C19orf47: variants seen among roughly 807,000 people sequenced by gnomAD.
C19orf47 encodes uncharacterized protein C19orf47.
Under a neutral mutation model 32.3 loss-of-function variants are expected in C19orf47, and 18 were observed. The observed-to-expected ratio is 0.56, with a 90% CI of 0.39 to 0.83. C19orf47 has a LOEUF of 0.83. Among genes scored for constraint, C19orf47 ranks in the 40% least tolerant of loss-of-function variants. C19orf47 has a pLI of 0.00. For missense variants in C19orf47, 484 were observed against 531.6 expected, an observed-to-expected ratio of 0.91 and a Z score of 0.88; for synonymous variants, 202 against 211.1, an observed-to-expected ratio of 0.96 and a Z score of 0.37.
intron 1 of C19orf47, among the ~76,000 whole-genome samples, chr19:40,345,536 T>TAAAAAAAAA: frequency 9.0e-6 from 1 of 110,848 alleles, no homozygotes; most frequent in Non-Finnish European, 1.8e-5. Context: ...CTGTCACTGT[T>TAAAAAAAAA]AAAAAAAAAA....
downstream of C19orf47, among the ~76,000 whole-genome samples, chr19:40,318,438 A>G (rs1335788248): frequency 3.3e-5 from 5 of 152,040 alleles, no homozygotes; most frequent in East Asian, 1.9e-4. Flanking sequence ...AATTACCTAT[A>G]TATGTTTTTA....
At chr19:40,294,648 T>C in the C19orf47 span, among the ~76,000 whole-genome samples, 5 of 152,228 alleles carry the variant, frequency 3.3e-5, no homozygotes, top group Non-Finnish European at 7.3e-5. Flanking sequence ...AAAAACCAGA[T>C]GAGGTGCTCC....
chr19:40,322,719 A>T (rs575827410), intron 8 of C19orf47, among the ~76,000 whole-genome samples: 1 of 152,274 alleles, frequency 6.6e-6, no homozygotes, highest in African/African-American at 2.4e-5. Flanking sequence ...GGAGAGATTA[A>T]TCTGGTCATT....
intron 1 of C19orf47, among the ~76,000 whole-genome samples, chr19:40,347,022 T>C (rs2145635683): frequency 6.6e-6 from 1 of 152,162 alleles, no homozygotes; most frequent in Non-Finnish European, 1.5e-5. Flanking sequence ...TGGGAACAAG[T>C]ATAAGGACAA....
the C19orf47 span, among the ~76,000 whole-genome samples, chr19:40,311,041 C>A: frequency 1.3e-5 from 2 of 151,950 alleles, no homozygotes; most frequent in African/African-American, 4.8e-5. Context: ...ACTTCAAGAC[C>A]AACGTGGGCA....
At chr19:40,309,107 G>C in the C19orf47 span, among the ~76,000 whole-genome samples, 2 of 151,742 alleles carry the variant, frequency 1.3e-5, no homozygotes, top group Non-Finnish European at 2.9e-5. Context: ...GATCAGGTTT[G>C]TTTGAAGAAA....
At chr19:40,341,564 G>A (rs1451817666) in intron 2 of C19orf47, among the ~76,000 whole-genome samples, 1 of 152,150 alleles carries the variant, frequency 6.6e-6, no homozygotes, top group Non-Finnish European at 1.5e-5. Flanking sequence ...TTTCACAGGT[G>A]AGAAAACCAA....
rs1311607854 is a variant in C19orf47 at position 40,336,106 on chromosome 19, C to A, written c.222+4G>T. On this transcript the variant is annotated splice_donor_region_variant and intron_variant, in intron 4 of 8. Coordinates refer to ENST00000683109, the MANE Select transcript of C19orf47 (RefSeq NM_001256441.2). ...GAGACAGAGGGGCTGGGCACAGCAC[C>A]CACCTGACGGTGCACCACTTTGGCA... 6 of 1,613,750 alleles carry A rather than the reference C, an allele frequency of 3.7e-6. No homozygotes were observed. The highest frequency in any genetic ancestry group is 1.3e-5 in the African/African-American group (1 of 75,054).
At chr19:40,296,521 A>G in the C19orf47 span, among the ~76,000 whole-genome samples, 1 of 151,974 alleles carries the variant, frequency 6.6e-6, no homozygotes, top group African/African-American at 2.4e-5. Context: ...ACCTCAAGCA[A>G]TCTGCCTGCC....
At chr19:40,293,518 T>C in the C19orf47 span, among the ~76,000 whole-genome samples, 4 of 151,512 alleles carry the variant, frequency 2.6e-5, no homozygotes, top group Admixed American at 2.0e-4. Flanking sequence ...CAGGCTGGAG[T>C]GCAATGATGC....
chr19:40,336,394 CCA>C lies in C19orf47; in HGVS notation c.31_32del (p.Trp11AspfsTer5). MVSVTMATSE[W>X]IQFFKEAGIP... ...TGCCGGCTTCCTTAAAGAACTGGATCCACTCGGAAGTGGCTGTGGGGTTGGAC... is the reference window on the plus strand; with the variant it reads ...TGCCGGCTTCCTTAAAGAACTGGATCCTCGGAAGTGGCTGTGGGGTTGGAC... On this transcript the variant is annotated frameshift_variant, in exon 3 of 9. Coordinates refer to ENST00000683109, the MANE Select transcript of C19orf47 (RefSeq NM_001256441.2). LOFTEE classifies it high-confidence loss of function. 1 of 1,613,722 alleles carries C rather than the reference CCA, an allele frequency of 6.2e-7. No homozygotes were observed. Among genetic ancestry groups the C allele is most frequent in the Non-Finnish European group, 8.5e-7 (1 of 1,179,852 alleles).
intron 7 of C19orf47, among the ~76,000 whole-genome samples, chr19:40,324,995 C>T (rs1392341939): frequency 1.3e-5 from 2 of 151,414 alleles, no homozygotes; most frequent in African/African-American, 4.9e-5. Flanking sequence ...TAGGTCCAGG[C>T]ATGGTGGCTC....
chr19:40,310,615 C>T, the C19orf47 span, among the ~76,000 whole-genome samples: 2 of 152,162 alleles, frequency 1.3e-5, no homozygotes, highest in African/African-American at 4.8e-5. Flanking sequence ...TTGTCTGATA[C>T]ATGAATTATA....
the C19orf47 span, among the ~76,000 whole-genome samples, chr19:40,305,342 C>CAA: frequency 3.3e-5 from 4 of 119,556 alleles, no homozygotes; most frequent in Non-Finnish European, 3.6e-5. Flanking sequence ...GACTCTGTCT[C>CAA]AAAAAAAAAA....
At chr19:40,317,118 T>G (rs929745637), downstream of C19orf47, among the ~76,000 whole-genome samples, 6 of 151,608 alleles carry the variant, frequency 4.0e-5, no homozygotes, top group Non-Finnish European at 8.8e-5. Flanking sequence ...TATTCTTAAT[T>G]TTTTTTTTTC....
At chr19:40,309,159 C>G in the C19orf47 span, among the ~76,000 whole-genome samples, 1 of 151,358 alleles carries the variant, frequency 6.6e-6, no homozygotes, top group Non-Finnish European at 1.5e-5. Context: ...GTAGGTTCAG[C>G]TACATAATCA....
rs548062778 is a variant in C19orf47, at chr19:40,341,670, C to T, written c.19+169G>A. The T allele has an allele frequency of 4.6e-4, 418 of 900,680 alleles. 1 individual carries two copies. The highest frequency in any genetic ancestry group is 6.0e-4 in the Non-Finnish European group (364 of 611,138). The allele number at this position is 900,680 out of a possible 1,614,324, so 55.8% of individuals were successfully genotyped here. A position where few individuals can be genotyped will look rare whatever the true frequency, so the allele number is the denominator to read the frequency against. Reference sequence around the variant, plus strand: ...TCAGGAGAGAGATCCAGTGATGAGGCGGGCAGGCCTCAAGCAGTTCCAGCC... The same window carrying T: ...TCAGGAGAGAGATCCAGTGATGAGGTGGGCAGGCCTCAAGCAGTTCCAGCC... On this transcript the variant is annotated intron_variant, in intron 2 of 8. Coordinates refer to ENST00000683109, the MANE Select transcript of C19orf47 (RefSeq NM_001256441.2).
chr19:40,326,935 G>A (rs932854996), intron 6 of C19orf47, among the ~76,000 whole-genome samples: 5 of 151,454 alleles, frequency 3.3e-5, no homozygotes, highest in Non-Finnish European at 7.4e-5. Flanking sequence ...CCCCTCAAAC[G>A]TGTTAAGGGT....
chr19:40,306,115 C>CACT, the C19orf47 span, among the ~76,000 whole-genome samples: 1 of 137,410 alleles, frequency 7.3e-6, no homozygotes, highest in Non-Finnish European at 1.5e-5. Context: ...CGCACCATTG[C>CACT]ACTCCAGCCT....
Sources: allele counts gnomAD v4.1 joint callset (sites outside exome capture counted in the v4.1 genomes callset), GRCh38; gene constraint gnomAD v4.1.1; transcripts MANE v1.5; gene names NCBI Gene and HGNC (gene_info 2026-07-23, HGNC 2026-07-21).